The following ARHGAP15 variants were observed in gnomAD, a reference collection of about 807,000 sequenced individuals.
ARHGAP15 encodes the protein rho GTPase-activating protein 15.
ARHGAP15 carries 51 observed loss-of-function variants against 63.7 expected under a neutral mutation model. The observed-to-expected ratio is 0.80, with a 90% confidence interval of 0.64 to 1.01. ARHGAP15 has a LOEUF of 1.01. Among genes scored for constraint, ARHGAP15 ranks in the 50% least tolerant of loss-of-function variants. The probability of loss-of-function intolerance (pLI) is 0.00; values close to 1 mark genes in which losing one functional copy is unlikely to be tolerated. For synonymous variants in ARHGAP15, 191 were observed against 193.8 expected, an observed-to-expected ratio of 0.99 and a Z score of 0.12; for missense variants, 560 against 564.6, an observed-to-expected ratio of 0.99 and a Z score of 0.08.
chr2:143,510,983 G>A (rs925773016), intron 9 of ARHGAP15, among the ~76,000 whole-genome samples: 1 of 152,198 alleles, frequency 6.6e-6, no homozygotes, highest in Non-Finnish European at 1.5e-5. Context: ...TTGAGCAGTT[G>A]TCCTCATAGT....
In ARHGAP15 at chr2:143,202,907, T is replaced by C. The variant is rs1558811408; in HGVS notation, c.234+705T>C. On this transcript the variant is annotated intron_variant, in intron 3 of 13. Transcript: ENST00000295095. ...CCTGAAATATTGTAAATAACATGAA[T>C]GAATAAAGTATTATATATATCTTAA... is the stretch of plus-strand genomic sequence containing the variant. Among the ~76,000 whole-genome samples, 2 of 152,120 alleles carry C rather than the reference T, an allele frequency of 1.3e-5. 1 individual carries two copies. Among genetic ancestry groups the C allele is most frequent in the South Asian group, 4.1e-4 (2 of 4,834 alleles).
intron 12 of ARHGAP15, chr2:143,676,379 CTTTGGCACAAGCAACCTAGCT>C (rs1191834557): frequency 4.6e-5 from 7 of 152,222 alleles, no homozygotes; most frequent in African/African-American, 1.7e-4. Flanking sequence ...TTGGCTAATT[CTTTGGCACAAGCAACCTAGCT>C]TTTGGCCCAT....
In ARHGAP15 at chr2:143,194,723, C is replaced by A. The variant is rs541473157; in HGVS notation, c.166-7411C>A. Among the ~76,000 whole-genome samples the A allele has an allele frequency of 1.8e-4, 28 of 152,148 alleles. No individual in the cohort carries two copies. In the South Asian group the frequency reaches 5.8e-3, roughly 32 times the overall value. The stretch of plus-strand genomic sequence containing the variant: ...GTCTGAGAAAACAGAGAGAAACGAT[C>A]TAGCGAAAATATACAAAAAACATAG... On this transcript the variant is annotated intron_variant, in intron 2 of 13. Coordinates refer to ENST00000295095, the MANE Select transcript of ARHGAP15 (RefSeq NM_018460.4).
At chr2:143,148,561 C>T (rs1039299667) in intron 1 of ARHGAP15, among the ~76,000 whole-genome samples, 6 of 152,024 alleles carry the variant, frequency 3.9e-5, no homozygotes, top group African/African-American at 1.4e-4. Context: ...GTGATAATAA[C>T]TGTATTACAA....
intron 11 of ARHGAP15, among the ~76,000 whole-genome samples, chr2:143,590,458 G>A (rs1250452304): frequency 6.6e-6 from 1 of 152,146 alleles, no homozygotes; most frequent in African/African-American, 2.4e-5. Context: ...TGCTGTGTGA[G>A]TATAGGGATA....
intron 12 of ARHGAP15, among the ~76,000 whole-genome samples, chr2:143,643,604 G>A (rs1485016462): frequency 6.6e-6 from 1 of 151,810 alleles, no homozygotes; most frequent in Non-Finnish European, 1.5e-5. Context: ...AGCTCTCCAG[G>A]TTATTAATAT....
chr2:143,141,074 A>C (rs1475957773), intron 1 of ARHGAP15, among the ~76,000 whole-genome samples: 2 of 152,116 alleles, frequency 1.3e-5, no homozygotes, highest in Non-Finnish European at 2.9e-5. Flanking sequence ...GGGAAGGTGA[A>C]ATGCAGTGAT....
chr2:143,411,613 T>C (rs1164593416), intron 6 of ARHGAP15, among the ~76,000 whole-genome samples: 1 of 152,184 alleles, frequency 6.6e-6, no homozygotes, highest in Non-Finnish European at 1.5e-5. Context: ...TGGCACTCAG[T>C]AATAACTTTT....
At chr2:143,347,813 G>A (rs1445879337) in intron 6 of ARHGAP15, among the ~76,000 whole-genome samples, 2 of 67,370 alleles carry the variant, frequency 3.0e-5, no homozygotes, top group Non-Finnish European at 5.4e-5. Context: ...TTGACTTCGT[G>A]ATTTTTTTTT....
chr2:143,553,341 AATG>A (rs1695656477), intron 10 of ARHGAP15, among the ~76,000 whole-genome samples: 2 of 152,226 alleles, frequency 1.3e-5, no homozygotes, highest in Non-Finnish European at 2.9e-5. Flanking sequence ...AGGAGCCGCT[AATG>A]TCAGAGATCA....
At chr2:143,340,281 A>C (rs1449883930) in intron 6 of ARHGAP15, among the ~76,000 whole-genome samples, 1 of 151,324 alleles carries the variant, frequency 6.6e-6, no homozygotes, top group Admixed American at 6.6e-5. Flanking sequence ...GACCAGTAAT[A>C]AACCAGGCAA....
intron 10 of ARHGAP15, among the ~76,000 whole-genome samples, chr2:143,542,735 AATAT>A (rs36056306): frequency 1.1e-5 from 1 of 90,772 alleles, no homozygotes; most frequent in Admixed American, 1.3e-4. Flanking sequence ...TCACATATAT[AATAT>A]ATATATGATA....
chr2:143,696,712 T>A (rs1683863621), intron 12 of ARHGAP15, among the ~76,000 whole-genome samples: 1 of 152,176 alleles, frequency 6.6e-6, no homozygotes, highest in African/African-American at 2.4e-5. Flanking sequence ...GAGGGCTTGT[T>A]TATTCAAAAA....
chr2:143,589,726 A>G (rs1052005855), intron 11 of ARHGAP15, among the ~76,000 whole-genome samples: 1 of 152,176 alleles, frequency 6.6e-6, no homozygotes, highest in Non-Finnish European at 1.5e-5. Flanking sequence ...CCAAGGTAAC[A>G]ATATAAAGAT....
chr2:143,319,228 C>CTTTT (rs397939107), intron 6 of ARHGAP15, among the ~76,000 whole-genome samples: 2 of 140,506 alleles, frequency 1.4e-5, no homozygotes, highest in East Asian at 4.1e-4. Context: ...TGGTTCCCGC[C>CTTTT]TTTTTTTTTT....
rs553506621 is a variant in ARHGAP15 at position 143,663,891 on chromosome 2, G to T, written c.1139-39528G>T. Among the ~76,000 whole-genome samples the T allele has an allele frequency of 6.6e-5, 10 of 152,196 alleles. No homozygotes were observed. In the East Asian group the frequency reaches 1.7e-3, roughly 26 times the overall value. Reference sequence around the variant, plus strand: ...CCTAAATATATATGCACCCAATACAGGAGCACCCAGATTCATAAAGCAAGT... The same window carrying T: ...CCTAAATATATATGCACCCAATACATGAGCACCCAGATTCATAAAGCAAGT... On this transcript the variant is annotated intron_variant, in intron 12 of 13. Transcript: ENST00000295095.
At chr2:143,597,191 T>C (rs1697553518) in intron 11 of ARHGAP15, among the ~76,000 whole-genome samples, 1 of 152,028 alleles carries the variant, frequency 6.6e-6, no homozygotes, top group Non-Finnish European at 1.5e-5. Context: ...ATTCAGAAAA[T>C]ATGGCAAAAT....
At chr2:143,658,744 G>C (rs974421004) in intron 12 of ARHGAP15, among the ~76,000 whole-genome samples, 1 of 152,148 alleles carries the variant, frequency 6.6e-6, no homozygotes, top group African/African-American at 2.4e-5. Context: ...TCCTTCCTCT[G>C]TCACTTCTGG....
chr2:143,764,805 C>G (rs186718680), intron 13 of ARHGAP15, among the ~76,000 whole-genome samples: 3 of 152,320 alleles, frequency 2.0e-5, no homozygotes, highest in African/African-American at 7.2e-5. Context: ...ATAGGTAACT[C>G]TATCTTCAAT....
Sources: gnomAD v4.1 joint callset for allele counts (sites outside exome capture counted in the v4.1 genomes callset) on GRCh38, gnomAD v4.1.1 for gene constraint, MANE v1.5 for transcripts, NCBI Gene and HGNC (gene_info 2026-07-23, HGNC 2026-07-21) for gene names.